The following PCDHA3 variants were observed in gnomAD, a reference collection of about 807,000 sequenced individuals.
PCDHA3 encodes protocadherin alpha-3.
PCDHA3 carries 41 observed loss-of-function variants against 62.2 expected under a neutral mutation model. The ratio of observed to expected loss-of-function variants is 0.66; its 90% CI spans 0.51 to 0.86. The LOEUF (loss-of-function observed/expected upper bound fraction) is 0.86. Ranked by LOEUF, PCDHA3 falls within the 40% of genes least tolerant of loss-of-function variation. PCDHA3 has a pLI of 0.00. For missense variants in PCDHA3, 1,304 were observed against 1,241.2 expected (o/e 1.05, Z -0.76); for synonymous variants, 640 against 555.4 (o/e 1.15, Z -2.14).
At chr5:140,890,700 A>T (rs1265643590) in intron 1 of PCDHA3, among the ~76,000 whole-genome samples, 1 of 152,214 alleles carries the variant, frequency 6.6e-6, no homozygotes, top group East Asian at 1.9e-4. Context: ...CAGGGACCTT[A>T]CATTTTTAAA....
chr5:140,904,584 A>T (rs1434719463), intron 1 of PCDHA3, among the ~76,000 whole-genome samples: 1 of 152,088 alleles, frequency 6.6e-6, no homozygotes, highest in African/African-American at 2.4e-5. Context: ...GACACCCAGT[A>T]GTGGGACTGC....
chr5:140,883,313 G>T, intron 1 of PCDHA3: 1 of 1,614,118 alleles, frequency 6.2e-7, no homozygotes, highest in Non-Finnish European at 8.5e-7. Context: ...TAACGCCCCA[G>T]AGGTTACCAT....
At chr5:140,887,238 C>T (rs1191260946) in intron 1 of PCDHA3, among the ~76,000 whole-genome samples, 11 of 151,856 alleles carry the variant, frequency 7.2e-5, no homozygotes, top group East Asian at 3.9e-4. Flanking sequence ...CTGAGACTAC[C>T]GGCGCCCGCC....
rs782041085 is a variant in PCDHA3, at chr5:140,807,640, G to A, written c.2394+4049G>A. 8.7e-6 allele frequency: 14 copies of A among 1,614,206 alleles called. No homozygotes were observed. The South Asian group carries it at 1.5e-4, about 18-fold the overall frequency. ...CGGAATCCAGGCCGCTTGACTCTCG[G>A]TTTCCACTAGAGGGCGCCTCGGATG... On this transcript the variant is annotated intron_variant, in intron 1 of 3. Coordinates refer to ENST00000522353, the MANE Select transcript of PCDHA3 (RefSeq NM_018906.3).
At chr5:140,914,930 T>C (rs1474677743) in intron 1 of PCDHA3, among the ~76,000 whole-genome samples, 1 of 150,038 alleles carries the variant, frequency 6.7e-6, no homozygotes, top group Non-Finnish European at 1.5e-5. Flanking sequence ...TTGTACTATG[T>C]TGTGAAAAGT....
rs782623559 is a variant in PCDHA3 at position 141,009,752 on chromosome 5, A to G, written c.2668A>G (p.Ile890Val). The G allele has an allele frequency of 3.1e-6, 5 of 1,614,086 alleles. No homozygotes were observed. Among genetic ancestry groups the G allele is most frequent in the East Asian group, 4.5e-5 (2 of 44,882 alleles). The change falls in exon 4 of 4, where the codon ATC becomes GTC. Residue 890 changes from isoleucine (I) to valine (V), a missense_variant. Physicochemically the swap from Ile to Val is conservative, Grantham distance 29. Transcript: ENST00000522353. ...CGGTGAGTTGCCCGACAAATTCATT[A>G]TCCCAGGATCTCCTGCAATCATCTC... ...GPGELPDKFIIPGSPAIISIR... is the reference protein window; with the variant it reads ...GPGELPDKFIVPGSPAIISIR...
chr5:140,882,555 G>A (rs1554174539), intron 1 of PCDHA3: 1 of 1,614,272 alleles, frequency 6.2e-7, no homozygotes, highest in Admixed American at 1.7e-5. Flanking sequence ...GAGGAGCTGT[G>A]TGGGCGGAGC....
At position 140,850,766 on chromosome 5, in the gene PCDHA3, G is replaced by A. The variant is rs2150497576; in HGVS notation, c.2394+47175G>A. The A allele has an allele frequency of 3.1e-6, 5 of 1,598,074 alleles. No homozygotes were observed. In the South Asian group the frequency reaches 4.4e-5, roughly 14 times the overall value. On this transcript the variant is annotated intron_variant, in intron 1 of 3. Coordinates refer to ENST00000522353, the MANE Select transcript of PCDHA3 (RefSeq NM_018906.3). ...CGTACTCGCAGCAGAGGAGGCAGAG[G>A]GTGTGCTCTGGCGAGGGTAAGCAGA...
At chr5:140,885,270 A>G (rs251381) in intron 1 of PCDHA3, among the ~76,000 whole-genome samples, 102,023 of 151,894 alleles carry the variant, frequency 0.67, 34,437 homozygotes, top group Middle Eastern at 0.71. Flanking sequence ...ACTCATACAT[A>G]TATATATACA....
chr5:140,915,234 A>G (rs1373292519), intron 1 of PCDHA3, among the ~76,000 whole-genome samples: 1 of 152,144 alleles, frequency 6.6e-6, no homozygotes, highest in Non-Finnish European at 1.5e-5. Flanking sequence ...GGCATGAGCC[A>G]CCATGCCTGG....
At chr5:140,863,178 C>T (rs1420894530) in intron 1 of PCDHA3, 2 of 736,748 alleles carry the variant, frequency 2.7e-6, no homozygotes, top group Non-Finnish European at 4.7e-6. Flanking sequence ...TGACTGCCAC[C>T]GTCACCGTGG....
At chr5:140,895,935 C>T (rs922054631) in intron 1 of PCDHA3, among the ~76,000 whole-genome samples, 20 of 152,028 alleles carry the variant, frequency 1.3e-4, no homozygotes, top group African/African-American at 4.1e-4. Flanking sequence ...CTCAGCCTCC[C>T]GAGTAGCTGG....
chr5:140,906,238 C>T (rs1309828775), intron 1 of PCDHA3, among the ~76,000 whole-genome samples: 2 of 152,186 alleles, frequency 1.3e-5, no homozygotes, highest in Non-Finnish European at 2.9e-5. Flanking sequence ...CCCTTGTCAA[C>T]TTGAACCCAT....
rs570244920 is a variant in PCDHA3, at chr5:140,897,293, A to G, written c.2395-81656A>G. Reference sequence around the variant, plus strand: ...GGTGTGCTGCACCCATTAACTCGTCATTTAGCATTAGGTATATCTCCTAAA... The same window carrying G: ...GGTGTGCTGCACCCATTAACTCGTCGTTTAGCATTAGGTATATCTCCTAAA... On this transcript the variant is annotated intron_variant, in intron 1 of 3. Transcript: ENST00000522353. Among the ~76,000 whole-genome samples the G allele has an allele frequency of 1.2e-4, 18 of 149,820 alleles. No homozygotes were observed. In the South Asian group the frequency reaches 3.5e-3, roughly 29 times the overall value.
chr5:140,937,606 TACTC>T (rs1186588675), intron 1 of PCDHA3, among the ~76,000 whole-genome samples: 2 of 123,664 alleles, frequency 1.6e-5, no homozygotes, highest in Non-Finnish European at 3.5e-5. Context: ...AACAGAGTGA[TACTC>T]CATCTAAAAA....
chr5:140,808,411 G>T (rs1764164974), intron 1 of PCDHA3: 1 of 1,614,042 alleles, frequency 6.2e-7, no homozygotes, highest in Admixed American at 1.7e-5. Context: ...ACTCGTTGGT[G>T]CTGGACAGTG....
intron 1 of PCDHA3, among the ~76,000 whole-genome samples, chr5:140,924,969 A>C (rs781957377): frequency 5.3e-5 from 8 of 151,756 alleles, no homozygotes. Flanking sequence ...AGGTGAGTGC[A>C]GTGGCTCATG....
intron 1 of PCDHA3, among the ~76,000 whole-genome samples, chr5:140,895,848 G>T (rs147299280): frequency 6.6e-6 from 1 of 151,982 alleles, no homozygotes; most frequent in Non-Finnish European, 1.5e-5. Flanking sequence ...TCTCACTCTT[G>T]TACCCCAGGC....
chr5:140,840,057 T>C (rs1217899995), intron 1 of PCDHA3, among the ~76,000 whole-genome samples: 1 of 152,054 alleles, frequency 6.6e-6, no homozygotes, highest in Non-Finnish European at 1.5e-5. Flanking sequence ...TCTAATGTCT[T>C]GACAATTAGT....
Sources: gnomAD v4.1 joint callset for allele counts (sites outside exome capture counted in the v4.1 genomes callset) on GRCh38, gnomAD v4.1.1 for gene constraint, MANE v1.5 for transcripts, NCBI Gene and HGNC (gene_info 2026-07-23, HGNC 2026-07-21) for gene names.